IL10: variants seen among roughly 807,000 people sequenced by gnomAD.
IL10 encodes interleukin-10.
In IL10, 7 loss-of-function variants were observed where a neutral mutation model predicts 21.0. The observed-to-expected ratio is 0.33, with a 90% CI of 0.19 to 0.63. The LOEUF (loss-of-function observed/expected upper bound fraction) is 0.63, where lower values mean the gene tolerates loss of function less well. IL10 is among the 20% of genes least tolerant of loss of function. IL10 has a pLI of 0.77. For missense variants in IL10, 161 were observed against 213.0 expected (o/e 0.76, Z 1.52); for synonymous variants, 83 against 79.7 (o/e 1.04, Z -0.22).
chr1:206,769,859 G>C lies in IL10; in HGVS notation c.414C>G (p.Ala138=), dbSNP rs771681458. Residue 138 remains alanine (A), a synonymous_variant, in exon 4 of 5, where the codon GCC becomes GCG. Coordinates refer to ENST00000423557, the MANE Select transcript of IL10 (RefSeq NM_000572.3). ...RFLPCENKSK[A]VEQVKNAFNK... ...TAAAGGCATTCTTCACCTGCTCCAC[G>C]GCCTTGCTCTTGTTTTCACAGGGAA... The C allele has an allele frequency of 1.9e-6, 3 of 1,613,978 alleles. No homozygotes were observed. In the Admixed American group the frequency reaches 5.0e-5, roughly 27 times the overall value.
chr1:206,770,819 G>A, intron 3 of IL10, 88 bp downstream of exon 3: 1 of 1,255,658 alleles, frequency 8.0e-7, no homozygotes, highest in Non-Finnish European at 1.2e-6. Flanking sequence ...TGTCTTTGCT[G>A]TGTCTGTGGA....
Position 206,768,552 on chromosome 1 carries a change from G to A in IL10, c.*84C>T. ...TACAATAAGGTTTCTCAAGGGGCTG[G>A]GTCAGCTATCCCAGAGCCCCAGATC... On this transcript the variant is annotated 3_prime_UTR_variant, in exon 5 of 5. Transcript: ENST00000423557. 2 of 767,050 alleles carry A rather than the reference G, an allele frequency of 2.6e-6. No homozygotes were observed. The highest frequency in any genetic ancestry group is 1.4e-5 in the South Asian group (1 of 71,060). The allele number at this position is 767,050 out of a possible 1,614,324, so 47.5% of individuals were successfully genotyped here. A position where few individuals can be genotyped will look rare whatever the true frequency, so the allele number is the denominator to read the frequency against.
rs3024510 is a variant in IL10, at chr1:206,768,291, T to C, written c.*345A>G. The C allele has an allele frequency of 6.3e-6, 2 of 317,036 alleles. No homozygotes were observed. Among genetic ancestry groups the C allele is most frequent in the Non-Finnish European group, 1.2e-5 (2 of 169,716 alleles). The allele number at this position is 317,036 out of a possible 1,614,324, so 19.6% of individuals were successfully genotyped here. On this transcript the variant is annotated 3_prime_UTR_variant, in exon 5 of 5. Transcript: ENST00000423557. ...GTCAGGCTTGGAATGGAAGCTTCTG[T>C]TGGCTCCCCAAAGAACATTTTTTTT...
chr1:206,769,730 A>G, intron 4 of IL10, 99 bp downstream of exon 4: 1 of 892,006 alleles, frequency 1.1e-6, no homozygotes, highest in Non-Finnish European at 1.9e-6. Context: ...CCAATGAAGA[A>G]TGGGGCCTAT....
chr1:206,771,243 C>A, intron 2 of IL10, 113 bp downstream of exon 2: 2 of 1,193,078 alleles, frequency 1.7e-6, no homozygotes, highest in Non-Finnish European at 2.5e-6. Context: ...CATCTTCCCA[C>A]TTCTCCTTTT....
rs1360691468 is a variant in IL10 at position 206,768,414 on chromosome 1, T to C, written c.*222A>G. Reference sequence around the variant, plus strand: ...TAAAAACAGGTGAAAATAATAAATATTGAAAAAAATTATAATATTGGGCTT... The same window carrying C: ...TAAAAACAGGTGAAAATAATAAATACTGAAAAAAATTATAATATTGGGCTT... On this transcript the variant is annotated 3_prime_UTR_variant, in exon 5 of 5. Transcript: ENST00000423557. The C allele has an allele frequency of 7.8e-6, 4 of 511,308 alleles. No individual in the cohort carries two copies. The highest frequency in any genetic ancestry group is 3.8e-5 in the African/African-American group (2 of 52,348). The allele number at this position is 511,308 out of a possible 1,614,324, so 31.7% of individuals were successfully genotyped here.
intron 1 of IL10, among the ~76,000 whole-genome samples, chr1:206,771,800 G>T (rs1375406383): frequency 6.6e-6 from 1 of 152,186 alleles, no homozygotes; most frequent in Non-Finnish European, 1.5e-5. Context: ...ATCCAGTTTA[G>T]CTTGGAAAGA....
At chr1:206,771,727 C>G (rs1674850604) in intron 1 of IL10, among the ~76,000 whole-genome samples, 1 of 152,204 alleles carries the variant, frequency 6.6e-6, no homozygotes, top group Non-Finnish European at 1.5e-5. Context: ...CTATGTCAAC[C>G]CTTCGGGGCC....
intron 1 of IL10, 71 bp downstream of exon 1, chr1:206,772,200 A>G: frequency 7.2e-7 from 1 of 1,389,406 alleles, no homozygotes. Flanking sequence ...GAGGGTTCTT[A>G]TAGTTCCAGG....
In IL10 at chr1:206,769,817, A is replaced by G; in HGVS notation, c.444+12T>C. Reference sequence around the variant, plus strand: ...TGCTCTGCAGACCCTCTCTGCCACCATCCAAGCTCACCTTATTAAAGGCAT... The same window carrying G: ...TGCTCTGCAGACCCTCTCTGCCACCGTCCAAGCTCACCTTATTAAAGGCAT... On this transcript the variant is annotated intron_variant, in intron 4 of 4. Transcript: ENST00000423557. 1 of 1,610,642 alleles carries G rather than the reference A, an allele frequency of 6.2e-7. No homozygotes were observed. Among genetic ancestry groups the G allele is most frequent in the Non-Finnish European group, 8.5e-7 (1 of 1,176,940 alleles).
At position 206,771,392 on chromosome 1, in the gene IL10, G is replaced by A. The variant is rs1477332544; in HGVS notation, c.189C>T (p.Asn63=). ...CCAGCAAGGACTCCTTTAACAACAAGTTGTCCAGCTGATCCTTCATTTGCT... is the reference window on the plus strand; with the variant it reads ...CCAGCAAGGACTCCTTTAACAACAAATTGTCCAGCTGATCCTTCATTTGCT... ...TFFQMKDQLD[N]LLLKESLLED... is the part of the protein sequence containing the mutation. The change falls in exon 2 of 5, where the codon AAC becomes AAT. Residue 63 remains asparagine (N), a synonymous_variant. Coordinates refer to ENST00000423557, the MANE Select transcript of IL10 (RefSeq NM_000572.3). 1.9e-6 allele frequency: 3 copies of A among 1,612,878 alleles called. No homozygotes were observed. The highest frequency in any genetic ancestry group is 1.7e-5 in the Admixed American group (1 of 59,878).
chr1:206,769,803 C>G (rs780388936), intron 4 of IL10, 26 bp downstream of exon 4: 23 of 1,591,040 alleles, frequency 1.4e-5, no homozygotes, highest in Non-Finnish European at 1.8e-5. Context: ...GCTCTGCAGA[C>G]CCTCTCTGCC....
intron 2 of IL10, 148 bp from the exon 3 acceptor site, chr1:206,771,207 T>G: frequency 8.6e-7 from 1 of 1,162,586 alleles, no homozygotes; most frequent in Middle Eastern, 2.2e-4. Flanking sequence ...TTGTAAACCC[T>G]CTGGCTGCTG....
chr1:206,769,660 A>G, intron 4 of IL10, 169 bp downstream of exon 4: 3 of 688,494 alleles, frequency 4.4e-6, no homozygotes, highest in Non-Finnish European at 2.7e-6. Flanking sequence ...AATACAATCA[A>G]GGCAGCAGCT....
Position 206,770,928 on chromosome 1 carries a change from GA to G in IL10, c.356del (p.Leu119ProfsTer3). The G allele has an allele frequency of 3.7e-6, 6 of 1,614,160 alleles. No homozygotes were observed. The highest frequency in any genetic ancestry group is 5.1e-6 in the Non-Finnish European group (6 of 1,180,006). On this transcript the variant is annotated frameshift_variant, in exon 3 of 5. Transcript: ENST00000423557. LOFTEE classifies it high-confidence loss of function. ...VNSLGENLKT[L>X]RLRLRRCHRF... The stretch of plus-strand genomic sequence containing the variant: ...TTACACAGCGCCGTAGCCTCAGCCT[GA>G]GGGTCTTCAGGTTCTCCCCCAGGGA...
At position 206,767,762 on chromosome 1, in the gene IL10, C is replaced by T. The variant is rs1179583758; in HGVS notation, c.*874G>A. The T allele has an allele frequency of 2.6e-5, 4 of 152,298 alleles. No individual in the cohort carries two copies. Among genetic ancestry groups the T allele is most frequent in the African/African-American group, 7.2e-5 (3 of 41,422 alleles). 9.4% of individuals were successfully genotyped at this position (152,298 alleles called of 1,614,324 possible). A position where few individuals can be genotyped will look rare whatever the true frequency, so the allele number is the denominator to read the frequency against. On this transcript the variant is annotated 3_prime_UTR_variant, in exon 5 of 5. Transcript: ENST00000423557. Reference sequence around the variant, plus strand: ...TTTTATTTTTTGAGACAGAGTCTTGCTCTGTCACCCAGGCTGGAGTACAGG... The same window carrying T: ...TTTTATTTTTTGAGACAGAGTCTTGTTCTGTCACCCAGGCTGGAGTACAGG...
intron 4 of IL10, 95 bp from the exon 5 acceptor site, chr1:206,768,823 T>A: frequency 1.3e-6 from 1 of 769,094 alleles, no homozygotes. Flanking sequence ...TGACCTTGAG[T>A]GCAGAGGTTG....
At chr1:206,772,204 T>C in intron 1 of IL10, 67 bp downstream of exon 1, 2 of 1,429,474 alleles carry the variant, frequency 1.4e-6, no homozygotes, top group Non-Finnish European at 2.0e-6. Flanking sequence ...GTTCTTATAG[T>C]TCCAGGAGAA....
intron 1 of IL10, among the ~76,000 whole-genome samples, chr1:206,771,748 C>T (rs556239663): frequency 1.3e-5 from 2 of 152,352 alleles, no homozygotes; most frequent in South Asian, 2.1e-4. Flanking sequence ...TTGAGCCCCC[C>T]TCATGTCCTG....
Sources: gnomAD v4.1 joint callset for allele counts (sites outside exome capture counted in the v4.1 genomes callset) on GRCh38, gnomAD v4.1.1 for gene constraint, MANE v1.5 for transcripts, NCBI Gene and HGNC (gene_info 2026-07-23, HGNC 2026-07-21) for gene names.